CDC42EP4: variants seen among roughly 807,000 people sequenced by gnomAD.
The protein encoded by CDC42EP4 is CDC42 effector protein 4, also known as CDC42 effector protein (Rho GTPase binding) 4.
Under a neutral mutation model 5.6 loss-of-function variants are expected in CDC42EP4, and 6 were observed. The observed-to-expected ratio is 1.07, with a 90% confidence interval of 0.59 to 2.12. CDC42EP4 has a LOEUF of 2.12. Ranked by LOEUF, CDC42EP4 falls within the 30% of genes most tolerant of loss-of-function variation. CDC42EP4 has a pLI of 0.00. For synonymous variants in CDC42EP4, 230 were observed against 224.2 expected (o/e 1.03, Z -0.23); for missense variants, 490 against 508.6 (o/e 0.96, Z 0.35).
intron 1 of CDC42EP4, among the ~76,000 whole-genome samples, chr17:73,295,310 C>G (rs184317153): frequency 6.6e-4 from 101 of 152,236 alleles, no homozygotes; most frequent in African/African-American, 2.3e-3. Flanking sequence ...TGCTGGAGCC[C>G]AAGTCTCTTG....
intron 1 of CDC42EP4, among the ~76,000 whole-genome samples, chr17:73,296,123 C>G (rs1211810479): frequency 6.7e-6 from 1 of 150,060 alleles, no homozygotes; most frequent in South Asian, 2.1e-4. Context: ...CAGTGGCTCA[C>G]GCCTGTAATC....
chr17:73,290,884 C>A (rs1488000813), intron 1 of CDC42EP4, among the ~76,000 whole-genome samples: 2 of 152,208 alleles, frequency 1.3e-5, no homozygotes, highest in Non-Finnish European at 2.9e-5. Flanking sequence ...AAACCACAGA[C>A]CCGGCTCCCC....
rs1338098833 is a variant in CDC42EP4, at chr17:73,285,885, T to A, written c.616A>T (p.Ile206Phe). The A allele has an allele frequency of 6.2e-7, 1 of 1,614,006 alleles. No homozygotes were observed. The change falls in exon 2 of 2, where the codon ATC becomes TTC. Residue 206 changes from isoleucine (I) to phenylalanine (F), a missense_variant. Physicochemically the swap from Ile to Phe is conservative, Grantham distance 21. Coordinates refer to ENST00000335793, the MANE Select transcript of CDC42EP4 (RefSeq NM_012121.5). The surrounding 1 kb of genome is among the most constrained non-coding windows in gnomAD (Gnocchi z 6.8). ...ATYGLKHAESIMSFHIDLGPS... is the reference protein window; with the variant it reads ...ATYGLKHAESFMSFHIDLGPS... Reference sequence around the variant, plus strand: ...CCCAGGTCGATGTGGAAGGACATGATGGACTCCGCATGCTTCAGCCCGTAC... The same window carrying A: ...CCCAGGTCGATGTGGAAGGACATGAAGGACTCCGCATGCTTCAGCCCGTAC...
chr17:73,285,771 C>A lies in CDC42EP4; in HGVS notation c.730G>T (p.Gly244Cys). ...GCCTGGGTGATGGTGCCAGCGGCGC[C>A]CTCATCGCCATGGTAACCACCCTCC... ...EGEGGYHGDE[G>C]AAGTITQAPP... is the part of the protein sequence containing the mutation. Residue 244 changes from glycine (G) to cysteine (C), a missense_variant, in exon 2 of 2, where the codon GGC (glycine) becomes TGC (cysteine). By Grantham distance (159) the Gly-to-Cys change is radical. Transcript: ENST00000335793. This position sits in a 1 kb window ranked among gnomAD's most constrained non-coding sequence, Gnocchi z 6.8. The A allele has an allele frequency of 6.3e-7, 1 of 1,599,004 alleles. No homozygotes were observed. The highest frequency in any genetic ancestry group is 1.1e-5 in the South Asian group (1 of 90,656).
chr17:73,304,079 C>T (rs1271091325), intron 1 of CDC42EP4, among the ~76,000 whole-genome samples: 1 of 152,134 alleles, frequency 6.6e-6, no homozygotes, highest in African/African-American at 2.4e-5. Context: ...GCTGAGGAAC[C>T]CACTCTAAGG....
chr17:73,290,800 C>T (rs1187209788), intron 1 of CDC42EP4, among the ~76,000 whole-genome samples: 1 of 152,184 alleles, frequency 6.6e-6, no homozygotes, highest in East Asian at 1.9e-4. Context: ...AGGCAGGAAC[C>T]CCCAGACCCT....
chr17:73,303,915 T>C (rs1042027798), intron 1 of CDC42EP4, among the ~76,000 whole-genome samples: 2 of 152,224 alleles, frequency 1.3e-5, no homozygotes, highest in African/African-American at 4.8e-5. Context: ...GGCTGAGTTA[T>C]GGGAAAACAC....
rs752583537 is a variant in CDC42EP4 at position 73,285,558 on chromosome 17, A to AGGTGCAGCTGGAGAG, written c.928_942dup (p.Leu310_Thr314dup). On this transcript the variant is annotated inframe_insertion, in exon 2 of 2. Coordinates refer to ENST00000335793, the MANE Select transcript of CDC42EP4 (RefSeq NM_012121.5). The surrounding 1 kb of genome is among the most constrained non-coding windows in gnomAD (Gnocchi z 6.8). ...GGGCTGCGCTCCTCCAGGATGCCTG[A>AGGTGCAGCTGGAGAG]GGTGCAGCTGGAGAGGGAGCTGCTG... The AGGTGCAGCTGGAGAG allele has an allele frequency of 1.2e-6, 2 of 1,611,936 alleles. No individual in the cohort carries two copies. The highest frequency in any genetic ancestry group is 1.7e-6 in the Non-Finnish European group (2 of 1,179,592).
intron 1 of CDC42EP4, among the ~76,000 whole-genome samples, chr17:73,302,886 CA>C (rs982342233): frequency 6.8e-6 from 1 of 146,526 alleles, no homozygotes; most frequent in Non-Finnish European, 1.5e-5. Flanking sequence ...ACTAAAAATA[CA>C]AAAAAAATTA....
chr17:73,288,352 T>C (rs1048465902), intron 1 of CDC42EP4, among the ~76,000 whole-genome samples: 2 of 151,874 alleles, frequency 1.3e-5, no homozygotes, highest in African/African-American at 4.8e-5. Flanking sequence ...AGCGATTCTC[T>C]TGCCTCAGTC....
rs528391694 is a variant in CDC42EP4, at chr17:73,303,248, CAGGAGA to C, written c.-113+8639_-113+8644del. Among the ~76,000 whole-genome samples the C allele has an allele frequency of 7.9e-3, 1,195 of 152,046 alleles. 17 individuals are homozygous for C. The highest frequency in any genetic ancestry group is 0.027 in the African/African-American group (1,129 of 41,438). ...ATCCTAGCTACTCGGAAGGCTGAGG[CAGGAGA>C]ATGGCTTGAACCCAGAAAGCAGAGG... On this transcript the variant is annotated intron_variant, in intron 1 of 1. Coordinates refer to ENST00000335793, the MANE Select transcript of CDC42EP4 (RefSeq NM_012121.5).
chr17:73,299,323 G>T (rs1354562859), intron 1 of CDC42EP4, among the ~76,000 whole-genome samples: 1 of 151,574 alleles, frequency 6.6e-6, no homozygotes, highest in Non-Finnish European at 1.5e-5. Flanking sequence ...CCAGCTACTC[G>T]GGAGGTTGAG....
At chr17:73,298,628 A>G (rs1230565824) in intron 1 of CDC42EP4, among the ~76,000 whole-genome samples, 1 of 152,238 alleles carries the variant, frequency 6.6e-6, no homozygotes, top group Non-Finnish European at 1.5e-5. Context: ...TGCTCCAGCC[A>G]CCACTGACCG....
At chr17:73,293,360 A>G (rs995391157) in intron 1 of CDC42EP4, among the ~76,000 whole-genome samples, 5 of 152,204 alleles carry the variant, frequency 3.3e-5, no homozygotes, top group African/African-American at 4.8e-5. Flanking sequence ...GAAGGGGGAC[A>G]CAGTGGGAGA....
chr17:73,293,455 G>A (rs1206122915), intron 1 of CDC42EP4, among the ~76,000 whole-genome samples: 1 of 151,064 alleles, frequency 6.6e-6, no homozygotes, highest in Non-Finnish European at 1.5e-5. Flanking sequence ...GGATCAAATG[G>A]GACTCCAGGC....
rs574317471 is a variant in CDC42EP4, at chr17:73,303,434, T to C, written c.-113+8459A>G. The stretch of plus-strand genomic sequence containing the variant: ...CCCAGCACTTTGGGAGGCCGAGGAG[T>C]ATGGATCACTTGAAGTCAGGGGTTC... On this transcript the variant is annotated intron_variant, in intron 1 of 1. Coordinates refer to ENST00000335793, the MANE Select transcript of CDC42EP4 (RefSeq NM_012121.5). Among the ~76,000 whole-genome samples the C allele has an allele frequency of 1.7e-4, 25 of 151,096 alleles. 1 individual carries two copies. In the South Asian group the frequency reaches 5.0e-3, roughly 30 times the overall value.
chr17:73,303,715 G>C (rs2062231216), intron 1 of CDC42EP4, among the ~76,000 whole-genome samples: 1 of 151,554 alleles, frequency 6.6e-6, no homozygotes. Context: ...TAAAAACATG[G>C]CTCCTAGAAA....
At position 73,296,756 on chromosome 17, in the gene CDC42EP4, G is replaced by A. The variant is rs189819880; in HGVS notation, c.-112-10144C>T. On this transcript the variant is annotated intron_variant, in intron 1 of 1. Transcript: ENST00000335793. Reference sequence around the variant, plus strand: ...CCAGCACTTTGGGAGGCCGAGGAGGGTGGATCACAAGGTCAGGAGATAGAG... The same window carrying A: ...CCAGCACTTTGGGAGGCCGAGGAGGATGGATCACAAGGTCAGGAGATAGAG... 8.2e-3 allele frequency among the ~76,000 whole-genome samples: 1,247 copies of A among 151,828 alleles called. 13 individuals carry two copies. Among genetic ancestry groups the A allele is most frequent in the African/African-American group, 0.029 (1,188 of 41,352 alleles).
At chr17:73,311,126 GCGGGTGGCTC>G (rs2062272721) in intron 1 of CDC42EP4, 1 of 152,208 alleles carries the variant, frequency 6.6e-6, no homozygotes, top group Admixed American at 6.5e-5. Context: ...CTCCAAGGGG[GCGGGTGGCTC>G]GACTGCCCTC....
Sources: gnomAD v4.1 joint callset for allele counts (sites outside exome capture counted in the v4.1 genomes callset) on GRCh38, gnomAD v4.1.1 for gene constraint, Gnocchi (gnomAD v3.1) non-coding constraint, MANE v1.5 for transcripts, NCBI Gene and HGNC (gene_info 2026-07-23, HGNC 2026-07-21) for gene names.